Variants in ATP10D observed in about 807,000 individuals in gnomAD.
ATP10D encodes phospholipid-transporting ATPase VD.
A neutral mutation model predicts 144.8 loss-of-function variants in ATP10D; 89 were observed. The ratio of observed to expected loss-of-function variants is 0.61; its 90% confidence interval spans 0.52 to 0.73. ATP10D has a LOEUF of 0.73. Among genes scored for constraint, ATP10D ranks in the 30% least tolerant of loss-of-function variants. The probability of loss-of-function intolerance (pLI) is 0.00; values close to 1 mark genes in which losing one functional copy is unlikely to be tolerated. For synonymous variants in ATP10D, 571 were observed against 615.1 expected, an observed-to-expected ratio of 0.93 and a Z score of 1.06; for missense variants, 1,603 against 1,714.8, an observed-to-expected ratio of 0.93 and a Z score of 1.15.
At chr4:47,501,461 T>C (rs1398152101) in intron 1 of ATP10D, among the ~76,000 whole-genome samples, 2 of 152,196 alleles carry the variant, frequency 1.3e-5, no homozygotes, top group African/African-American at 4.8e-5. Flanking sequence ...GCCTTTAGCG[T>C]TTTTCTCTGA....
intron 3 of ATP10D, among the ~76,000 whole-genome samples, chr4:47,519,277 G>A (rs1022403083): frequency 6.6e-6 from 1 of 152,120 alleles, no homozygotes; most frequent in African/African-American, 2.4e-5. Flanking sequence ...TAATCGTTCA[G>A]TGTGTATTAG....
chr4:47,590,520 T>A (rs1720979430), intron 22 of ATP10D, among the ~76,000 whole-genome samples: 1 of 152,118 alleles, frequency 6.6e-6, no homozygotes, highest in Non-Finnish European at 1.5e-5. Flanking sequence ...AGATCTGTGG[T>A]GGCCCCTCCT....
chr4:47,545,421 T>C (rs1718365146), intron 9 of ATP10D, among the ~76,000 whole-genome samples: 1 of 152,244 alleles, frequency 6.6e-6, no homozygotes, highest in Non-Finnish European at 1.5e-5. Flanking sequence ...CTCTAGCTAC[T>C]ATTTGAAAAA....
chr4:47,485,775 AT>A lies in ATP10D; in HGVS notation c.-38+260del, dbSNP rs1286715759. Among the ~76,000 whole-genome samples, 4 of 151,836 alleles carry A rather than the reference AT, an allele frequency of 2.6e-5. No homozygotes were observed. In the East Asian group the frequency reaches 5.8e-4, roughly 22 times the overall value. On this transcript the variant is annotated intron_variant, in intron 1 of 22. Coordinates refer to ENST00000273859, the MANE Select transcript of ATP10D (RefSeq NM_020453.4). ...TTTAAAAATCTATTTTAAATGCTGG[AT>A]TTTGTAAAAAGGTAAACTGCACACG...
rs533849316 is a variant in ATP10D, at chr4:47,496,017, G to A, written c.-38+10498G>A. Among the ~76,000 whole-genome samples, 10 of 152,180 alleles carry A rather than the reference G, an allele frequency of 6.6e-5. No homozygotes were observed. The East Asian group carries it at 1.9e-3, about 29-fold the overall frequency. On this transcript the variant is annotated intron_variant, in intron 1 of 22. Transcript: ENST00000273859. ...CTCCTAAAGTGTTAGAATTACAGGT[G>A]TGAGCCACCATGCCCAGCCTAAACA...
At chr4:47,523,476 T>C (rs1255912917) in intron 4 of ATP10D, among the ~76,000 whole-genome samples, 3 of 152,218 alleles carry the variant, frequency 2.0e-5, no homozygotes, top group African/African-American at 7.2e-5. Context: ...CCTAACAGAA[T>C]TATTTTTCTT....
At chr4:47,502,240 C>T (rs1388409821) in intron 1 of ATP10D, among the ~76,000 whole-genome samples, 3 of 152,034 alleles carry the variant, frequency 2.0e-5, no homozygotes, top group Non-Finnish European at 4.4e-5. Flanking sequence ...TTTGGGAGGC[C>T]GAGGCGGGCG....
intron 9 of ATP10D, among the ~76,000 whole-genome samples, chr4:47,540,627 C>A (rs1245636855): frequency 6.6e-6 from 1 of 152,140 alleles, no homozygotes; most frequent in Non-Finnish European, 1.5e-5. Flanking sequence ...TGCCCTCATG[C>A]CGTTTCCCCT....
At position 47,525,456 on chromosome 4, in the gene ATP10D, A is replaced by C. The variant is rs565522768; in HGVS notation, c.691-101A>C. 1.1e-4 allele frequency: 89 copies of C among 820,750 alleles called. 1 individual carries two copies. Among genetic ancestry groups the C allele is most frequent in the South Asian group, 1.1e-3 (64 of 60,260 alleles). 50.8% of individuals were successfully genotyped at this position (820,750 alleles called of 1,614,324 possible). A position where few individuals can be genotyped will look rare whatever the true frequency, so the allele number is the denominator to read the frequency against. On this transcript the variant is annotated intron_variant, in intron 4 of 22. Coordinates refer to ENST00000273859, the MANE Select transcript of ATP10D (RefSeq NM_020453.4). Reference sequence around the variant, plus strand: ...TCATGATATGAACTTCATTGCAAAAAGGCTTAGCATTATTTTAAGAATTGA... The same window carrying C: ...TCATGATATGAACTTCATTGCAAAACGGCTTAGCATTATTTTAAGAATTGA...
In ATP10D at chr4:47,558,322, T is replaced by C. The variant is rs115198286; in HGVS notation, c.2434+49T>C. Reference sequence around the variant, plus strand: ...AGTAGTGATTTGAAAAGCTCGGAGATTAAAAGACCATACTTGATGGCTTTA... The same window carrying C: ...AGTAGTGATTTGAAAAGCTCGGAGACTAAAAGACCATACTTGATGGCTTTA... On this transcript the variant is annotated intron_variant, in intron 12 of 22. Transcript: ENST00000273859. The C allele has an allele frequency of 1.0e-3, 1,586 of 1,575,708 alleles. 15 individuals carry two copies. The African/African-American group carries it at 0.018, about 18-fold the overall frequency.
intron 9 of ATP10D, among the ~76,000 whole-genome samples, chr4:47,541,974 T>C (rs1718156163): frequency 6.6e-6 from 1 of 152,142 alleles, no homozygotes; most frequent in Non-Finnish European, 1.5e-5. Flanking sequence ...GAGGCATTCA[T>C]GTAACTATTT....
intron 10 of ATP10D, among the ~76,000 whole-genome samples, chr4:47,552,481 G>A (rs2109441746): frequency 6.6e-6 from 1 of 152,268 alleles, no homozygotes; most frequent in East Asian, 1.9e-4. Flanking sequence ...TCTTCATATG[G>A]TGGACAAGCT....
At chr4:47,531,118 A>G (rs1004227224) in intron 5 of ATP10D, among the ~76,000 whole-genome samples, 1 of 151,968 alleles carries the variant, frequency 6.6e-6, no homozygotes, top group Non-Finnish European at 1.5e-5. Context: ...AAATTTGACT[A>G]TAAATCCATC....
At chr4:47,530,603 G>A (rs180958345) in intron 5 of ATP10D, among the ~76,000 whole-genome samples, 7 of 152,046 alleles carry the variant, frequency 4.6e-5, no homozygotes, top group East Asian at 3.9e-4. Context: ...TTATAGACAC[G>A]TGCCACCATG....
intron 10 of ATP10D, among the ~76,000 whole-genome samples, chr4:47,554,171 C>T (rs1251076783): frequency 1.3e-5 from 2 of 152,174 alleles, no homozygotes; most frequent in Non-Finnish European, 2.9e-5. Context: ...GATCAGAAAT[C>T]TGGAAGAACC....
intron 19 of ATP10D, among the ~76,000 whole-genome samples, chr4:47,579,734 T>C (rs558533700): frequency 1.3e-3 from 200 of 152,348 alleles, no homozygotes; most frequent in African/African-American, 4.4e-3. Context: ...TAGGACCTTA[T>C]AGGTCATGAG....
chr4:47,491,619 A>AT, intron 1 of ATP10D: 1 of 307,620 alleles, frequency 3.3e-6, no homozygotes, highest in Non-Finnish European at 6.1e-6. Flanking sequence ...CCCAACCTAG[A>AT]TTTTCATTTA....
At chr4:47,554,282 C>T (rs1718865945) in intron 10 of ATP10D, among the ~76,000 whole-genome samples, 1 of 152,114 alleles carries the variant, frequency 6.6e-6, no homozygotes, top group South Asian at 2.1e-4. Flanking sequence ...ATAGCAGTAA[C>T]TTGAACCATA....
At chr4:47,560,899 C>G in intron 13 of ATP10D, 50 bp from the exon 14 acceptor site, 1 of 1,610,102 alleles carries the variant, frequency 6.2e-7, no homozygotes, top group South Asian at 1.1e-5. Context: ...CTGGTATTCC[C>G]ACAAGATCAT....
Sources: allele counts gnomAD v4.1 joint callset (sites outside exome capture counted in the v4.1 genomes callset), GRCh38; gene constraint gnomAD v4.1.1; transcripts MANE v1.5; gene names NCBI Gene and HGNC (gene_info 2026-07-23, HGNC 2026-07-21).